Variants in SEMA4F observed in about 807,000 individuals in gnomAD.
SEMA4F encodes the protein ssemaphorin 4F.
In SEMA4F, 51 loss-of-function variants were observed where a neutral mutation model predicts 78.4. The observed-to-expected ratio is 0.65, with a 90% CI of 0.52 to 0.82. The LOEUF is 0.82. Ranked by LOEUF, SEMA4F falls within the 40% of genes least tolerant of loss-of-function variation. The probability of loss-of-function intolerance (pLI) is 0.00; values close to 1 mark genes in which losing one functional copy is unlikely to be tolerated. For synonymous variants in SEMA4F, 418 were observed against 408.7 expected (o/e 1.02, Z -0.27); for missense variants, 938 against 1,014.4 (o/e 0.92, Z 1.02).
At chr2:74,671,614 T>G (rs1684994845) in intron 5 of SEMA4F, among the ~76,000 whole-genome samples, 1 of 152,238 alleles carries the variant, frequency 6.6e-6, no homozygotes, top group African/African-American at 2.4e-5. Context: ...GACTTAAGCA[T>G]GAAGTGTGAT....
intron 5 of SEMA4F, among the ~76,000 whole-genome samples, chr2:74,668,090 C>T (rs756077287): frequency 1.3e-5 from 2 of 152,212 alleles, no homozygotes; most frequent in Non-Finnish European, 2.9e-5. Flanking sequence ...CATACTCACT[C>T]AGGTACCCAA....
chr2:74,654,562 C>A (rs1212680158), intron 1 of SEMA4F, 41 bp downstream of exon 1: 1 of 1,449,224 alleles, frequency 6.9e-7, no homozygotes, highest in East Asian at 2.7e-5. Context: ...TTCGCGCCCA[C>A]ACCCACACCC....
the SEMA4F span, among the ~76,000 whole-genome samples, chr2:74,692,892 C>T: frequency 6.6e-6 from 1 of 152,186 alleles, no homozygotes; most frequent in Non-Finnish European, 1.5e-5. Context: ...TGCATGTGCA[C>T]ACACGAGTGT....
At chr2:74,683,986 G>A (rs1685751106), downstream of SEMA4F, 1 of 152,084 alleles carries the variant, frequency 6.6e-6, no homozygotes, top group African/African-American at 2.4e-5. Flanking sequence ...GGAGTTGAGT[G>A]AGCACCAAGT....
At chr2:74,669,475 C>T (rs1308305463) in intron 5 of SEMA4F, among the ~76,000 whole-genome samples, 4 of 151,848 alleles carry the variant, frequency 2.6e-5, no homozygotes, top group African/African-American at 9.7e-5. Flanking sequence ...ATCCCAGCTA[C>T]TTGGGAGGCT....
the SEMA4F span, among the ~76,000 whole-genome samples, chr2:74,690,404 TAGA>T: frequency 6.6e-6 from 1 of 151,722 alleles, no homozygotes; most frequent in Admixed American, 6.6e-5. Flanking sequence ...TGAATTGAGA[TAGA>T]AGGAGGAGGA....
intron 5 of SEMA4F, among the ~76,000 whole-genome samples, chr2:74,672,937 G>A (rs1221198372): frequency 1.3e-5 from 2 of 152,168 alleles, no homozygotes; most frequent in East Asian, 3.8e-4. Flanking sequence ...CTGGCCCAGG[G>A]ATCTGCATTT....
the SEMA4F span, among the ~76,000 whole-genome samples, chr2:74,709,202 G>A: frequency 1.3e-5 from 2 of 152,190 alleles, no homozygotes; most frequent in African/African-American, 4.8e-5. Flanking sequence ...TCAAACTTCT[G>A]TAAAACTAAG....
rs1684268719 is a variant in SEMA4F at position 74,658,463 on chromosome 2, T to C, written c.456+512T>C. 6.6e-6 allele frequency among the ~76,000 whole-genome samples: 1 copy of C among 152,262 alleles called. No homozygotes were observed. The highest frequency in any genetic ancestry group is 2.1e-4 in the South Asian group (1 of 4,836). Reference sequence around the variant, plus strand: ...TGTGAGTCTCTCCTCTCATGGCTTCTGATGTCACTTCCACTAATGTAATAT... The same window carrying C: ...TGTGAGTCTCTCCTCTCATGGCTTCCGATGTCACTTCCACTAATGTAATAT... On this transcript the variant is annotated intron_variant, in intron 4 of 13. Transcript: ENST00000357877. This position sits in a 1 kb window ranked among gnomAD's most constrained non-coding sequence, Gnocchi z 4.3.
rs145463289 is a variant in SEMA4F at position 74,657,801 on chromosome 2, C to T, written c.358-52C>T. ...TCTAACTGTCCTGACGTTACCTTACCCTTCCTCGTACCTGCTGCTTCTGAT... is the reference window on the plus strand; with the variant it reads ...TCTAACTGTCCTGACGTTACCTTACTCTTCCTCGTACCTGCTGCTTCTGAT... On this transcript the variant is annotated intron_variant, in intron 3 of 13. Transcript: ENST00000357877. 3.9e-6 allele frequency: 6 copies of T among 1,544,624 alleles called. No homozygotes were observed. The African/African-American group carries it at 6.8e-5, about 17-fold the overall frequency.
In SEMA4F at chr2:74,657,487, A is replaced by G. The variant is rs1000985092; in HGVS notation, c.298-78A>G. On this transcript the variant is annotated intron_variant, in intron 2 of 13. Transcript: ENST00000357877. ...TTCCCAAATTGATGGAGGTTATAGAACAGTTTAATCTCCTCTAACATCGAG... is the reference window on the plus strand; with the variant it reads ...TTCCCAAATTGATGGAGGTTATAGAGCAGTTTAATCTCCTCTAACATCGAG... 35 of 1,388,284 alleles carry G rather than the reference A, an allele frequency of 2.5e-5. 1 individual carries two copies. Among genetic ancestry groups the G allele is most frequent in the Non-Finnish European group, 3.4e-5 (33 of 975,976 alleles). 86.0% of individuals were successfully genotyped at this position (1,388,284 alleles called of 1,614,324 possible).
the SEMA4F span, among the ~76,000 whole-genome samples, chr2:74,702,915 C>T: frequency 0.28 from 43,017 of 151,802 alleles, 8,987 homozygotes; most frequent in East Asian, 0.82. Flanking sequence ...CATTGAAAAG[C>T]TGAAATGGAA....
chr2:74,672,041 A>T (rs1685016006), intron 5 of SEMA4F, among the ~76,000 whole-genome samples: 1 of 152,246 alleles, frequency 6.6e-6, no homozygotes, highest in African/African-American at 2.4e-5. Flanking sequence ...CTTTTTAAAA[A>T]ACAAAACTGT....
the SEMA4F span, among the ~76,000 whole-genome samples, chr2:74,693,117 A>G: frequency 6.6e-6 from 1 of 152,234 alleles, no homozygotes; most frequent in African/African-American, 2.4e-5. Context: ...ATTTTCAATA[A>G]ACATAGTATG....
Position 74,658,016 on chromosome 2 carries a change from G to A in SEMA4F, c.456+65G>A. ...ACCAGTGTGAGTTACTTGGGGTGGT[G>A]GTGGGAGGATGGGAAGGGTTTTCTG... On this transcript the variant is annotated intron_variant, in intron 4 of 13. Transcript: ENST00000357877. This position sits in a 1 kb window ranked among gnomAD's most constrained non-coding sequence, Gnocchi z 4.3. 1 of 1,457,766 alleles carries A rather than the reference G, an allele frequency of 6.9e-7. No individual in the cohort carries two copies. The highest frequency in any genetic ancestry group is 9.6e-7 in the Non-Finnish European group (1 of 1,040,032). 90.3% of individuals were successfully genotyped at this position (1,457,766 alleles called of 1,614,324 possible).
chr2:74,668,627 T>G (rs909535032), intron 5 of SEMA4F, among the ~76,000 whole-genome samples: 4 of 151,478 alleles, frequency 2.6e-5, no homozygotes, highest in African/African-American at 9.7e-5. Context: ...TTTTTTTTTT[T>G]GGAGACAGAG....
the SEMA4F span, among the ~76,000 whole-genome samples, chr2:74,705,556 C>T: frequency 6.6e-6 from 1 of 152,216 alleles, no homozygotes; most frequent in African/African-American, 2.4e-5. Flanking sequence ...CAGTATTTTA[C>T]AATGAGTATT....
chr2:74,679,606 A>G lies in SEMA4F; in HGVS notation c.1710A>G (p.Pro570=), dbSNP rs756390756. 1 of 1,601,560 alleles carries G rather than the reference A, an allele frequency of 6.2e-7. No homozygotes were observed. The highest frequency in any genetic ancestry group is 1.1e-5 in the South Asian group (1 of 90,568). ...CTTTGCTGTTTCTCACAGAACGTCC[A>G]GTAGTGTTTGAAGTTCCCGTGGCTA... ...SLCPKEPGER[P]VVFEVPVATA... Residue 570 remains proline (P), a synonymous_variant, in exon 14 of 14, where the codon CCA becomes CCG. Coordinates refer to ENST00000357877, the MANE Select transcript of SEMA4F (RefSeq NM_004263.5).
the SEMA4F span, among the ~76,000 whole-genome samples, chr2:74,697,540 C>A: frequency 6.6e-6 from 1 of 152,112 alleles, no homozygotes; most frequent in Non-Finnish European, 1.5e-5. Context: ...ACCCTCTTCT[C>A]TTCTGAGATG....
Sources: allele counts gnomAD v4.1 joint callset (sites outside exome capture counted in the v4.1 genomes callset), GRCh38; gene constraint gnomAD v4.1.1; non-coding constraint Gnocchi (gnomAD v3.1); transcripts MANE v1.5; gene names NCBI Gene and HGNC (gene_info 2026-07-23, HGNC 2026-07-21).